Variants in GRM3 observed in about 807,000 individuals in gnomAD.
GRM3 encodes metabotropic glutamate receptor 3.
A neutral mutation model predicts 70.5 loss-of-function variants in GRM3; 26 were observed. The observed-to-expected ratio is 0.37, with a 90% confidence interval of 0.27 to 0.51. The LOEUF (loss-of-function observed/expected upper bound fraction) is 0.51, where lower values mean the gene tolerates loss of function less well. GRM3 is among the 20% of genes least tolerant of loss of function. The pLI is 0.93. For synonymous variants in GRM3, 443 were observed against 434.9 expected (o/e 1.02, Z -0.23); for missense variants, 859 against 1,123.8 (o/e 0.76, Z 3.37).
At chr7:86,730,130 C>T (rs1435816982) in intron 1 of GRM3, among the ~76,000 whole-genome samples, 1 of 144,870 alleles carries the variant, frequency 6.9e-6, no homozygotes, top group African/African-American at 2.6e-5. Flanking sequence ...AAATAAAATA[C>T]CATAACTCAG....
rs140535482 is a variant in GRM3, at chr7:86,701,159, G to C, written c.-141+56287G>C. Reference sequence around the variant, plus strand: ...CCTAATAAGAAACTAAATACAACCTGAAAAAGATAAACGATGTCCAACCGA... The same window carrying C: ...CCTAATAAGAAACTAAATACAACCTCAAAAAGATAAACGATGTCCAACCGA... On this transcript the variant is annotated intron_variant, in intron 1 of 5. Coordinates refer to ENST00000361669, the MANE Select transcript of GRM3 (RefSeq NM_000840.3). Among the ~76,000 whole-genome samples the C allele has an allele frequency of 4.8e-3, 734 of 151,486 alleles. 7 individuals are homozygous for C. Among genetic ancestry groups the C allele is most frequent in the African/African-American group, 0.017 (689 of 41,372 alleles).
chr7:86,666,954 A>G (rs906133088), intron 1 of GRM3, among the ~76,000 whole-genome samples: 4 of 152,108 alleles, frequency 2.6e-5, no homozygotes, highest in Admixed American at 2.6e-4. Flanking sequence ...CTTTGACGCT[A>G]AGGTTGTCAT....
chr7:86,777,087 T>C (rs575992782), intron 2 of GRM3, among the ~76,000 whole-genome samples: 1 of 152,278 alleles, frequency 6.6e-6, no homozygotes, highest in Admixed American at 6.5e-5. Context: ...GGGAACAAGC[T>C]AGATATCTGA....
chr7:86,694,561 A>G (rs905645654), intron 1 of GRM3, among the ~76,000 whole-genome samples: 1 of 151,612 alleles, frequency 6.6e-6, no homozygotes, highest in African/African-American at 2.4e-5. Context: ...GAAAGAAAAT[A>G]AAAAAAGAAA....
chr7:86,756,916 T>C (rs1298983762), intron 1 of GRM3, among the ~76,000 whole-genome samples: 1 of 152,142 alleles, frequency 6.6e-6, no homozygotes, highest in Non-Finnish European at 1.5e-5. Flanking sequence ...TTGGATTAGA[T>C]TATTTCTTTT....
intron 2 of GRM3, among the ~76,000 whole-genome samples, chr7:86,767,866 A>G (rs1452482999): frequency 1.3e-5 from 2 of 152,002 alleles, no homozygotes; most frequent in Non-Finnish European, 2.9e-5. Context: ...AAGTCAGACT[A>G]GTTTAGAGGA....
Position 86,778,014 on chromosome 7 carries a change from T to G in GRM3, c.469-8247T>G, listed in dbSNP as rs117105667. Among the ~76,000 whole-genome samples, 227 of 152,258 alleles carry G rather than the reference T, an allele frequency of 1.5e-3. 2 individuals are homozygous for G. In the East Asian group the frequency reaches 0.024, roughly 16 times the overall value. ...TCTTCCAGGCACATATATAAGCATT[T>G]AATTAAAAGAACTAAACAAAACATT... is the stretch of plus-strand genomic sequence containing the variant. On this transcript the variant is annotated intron_variant, in intron 2 of 5. Transcript: ENST00000361669.
intron 1 of GRM3, among the ~76,000 whole-genome samples, chr7:86,680,238 A>G (rs1277129166): frequency 6.6e-6 from 1 of 152,168 alleles, no homozygotes; most frequent in Non-Finnish European, 1.5e-5. Flanking sequence ...GAAAGAAAAT[A>G]TTTAAGAGGA....
intron 3 of GRM3, 35 bp from the exon 4 acceptor site, chr7:86,838,804 G>A: frequency 8.1e-7 from 1 of 1,231,494 alleles, no homozygotes; most frequent in Non-Finnish European, 1.2e-6. Context: ...ACCTAAACAA[G>A]TGTTCTTTTT....
chr7:86,767,555 ATAT>A (rs1562854627), intron 2 of GRM3, among the ~76,000 whole-genome samples: 6 of 134,272 alleles, frequency 4.5e-5, no homozygotes, highest in East Asian at 2.2e-4. Flanking sequence ...ATATATATAT[ATAT>A]AAATGAAGTA....
At chr7:86,731,765 G>T (rs1795740282) in intron 1 of GRM3, among the ~76,000 whole-genome samples, 1 of 152,124 alleles carries the variant, frequency 6.6e-6, no homozygotes, top group Admixed American at 6.5e-5. Flanking sequence ...TTATTCAGCT[G>T]CCCCATGAGG....
chr7:86,856,273 A>G (rs1798843407), intron 5 of GRM3, among the ~76,000 whole-genome samples: 1 of 151,884 alleles, frequency 6.6e-6, no homozygotes, highest in Non-Finnish European at 1.5e-5. Flanking sequence ...GCGAAACCCC[A>G]TTTCTACTAA....
intron 2 of GRM3, 68 bp downstream of exon 2, chr7:86,765,681 G>A: frequency 7.8e-7 from 1 of 1,279,250 alleles, no homozygotes; most frequent in Non-Finnish European, 1.1e-6. Flanking sequence ...GGGAACAAAA[G>A]GAAAATATCA....
chr7:86,757,662 A>G (rs566358979), intron 1 of GRM3, among the ~76,000 whole-genome samples: 8 of 152,272 alleles, frequency 5.3e-5, no homozygotes, highest in Admixed American at 3.3e-4. Context: ...TTAGAATTCT[A>G]TTAAATAATC....
At chr7:86,798,056 A>G (rs1305595829) in intron 3 of GRM3, among the ~76,000 whole-genome samples, 3 of 152,214 alleles carry the variant, frequency 2.0e-5, no homozygotes, top group Non-Finnish European at 4.4e-5. Flanking sequence ...GGATGTATGG[A>G]AACACCTGGG....
intron 2 of GRM3, among the ~76,000 whole-genome samples, chr7:86,769,778 G>A (rs918888411): frequency 4.6e-5 from 7 of 151,966 alleles, no homozygotes; most frequent in South Asian, 2.1e-4. Flanking sequence ...AGTCTGCTGT[G>A]GTCCCTTTTA....
intron 1 of GRM3, among the ~76,000 whole-genome samples, chr7:86,650,319 T>C (rs1793573637): frequency 6.6e-6 from 1 of 152,090 alleles, no homozygotes; most frequent in Non-Finnish European, 1.5e-5. Context: ...AGACCTATTT[T>C]CTTTACTACC....
At chr7:86,711,031 C>G (rs1218164881) in intron 1 of GRM3, among the ~76,000 whole-genome samples, 3 of 152,032 alleles carry the variant, frequency 2.0e-5, no homozygotes. Context: ...GTAATCCTGG[C>G]TCTACCATGT....
Position 86,803,574 on chromosome 7 carries a change from A to T in GRM3, c.1324+16458A>T, listed in dbSNP as rs536063921. On this transcript the variant is annotated intron_variant, in intron 3 of 5. Transcript: ENST00000361669. ...TTTAGAAATAAAGTAAGAGTAATTA[A>T]TTTGACAGCAAAACTAGGAAAACCA... is the stretch of plus-strand genomic sequence containing the variant. 2.2e-4 allele frequency among the ~76,000 whole-genome samples: 33 copies of T among 152,336 alleles called. No individual in the cohort carries two copies. In the East Asian group the frequency reaches 2.7e-3, roughly 12 times the overall value.
Sources: allele counts gnomAD v4.1 joint callset (sites outside exome capture counted in the v4.1 genomes callset), GRCh38; gene constraint gnomAD v4.1.1; transcripts MANE v1.5; gene names NCBI Gene and HGNC (gene_info 2026-07-23, HGNC 2026-07-21).